The following ITSN1 variants were observed in gnomAD, a reference collection of about 807,000 sequenced individuals.
ITSN1 encodes intersectin 1, also known as intersectin-1.
ITSN1 carries 58 observed loss-of-function variants against 239.8 expected under a neutral mutation model. The ratio of observed to expected loss-of-function variants is 0.24; its 90% confidence interval spans 0.20 to 0.30. The LOEUF (loss-of-function observed/expected upper bound fraction) is 0.30. Ranked by LOEUF, ITSN1 falls within the 10% of genes least tolerant of loss-of-function variation. The pLI, the probability that ITSN1 is intolerant of heterozygous loss-of-function variation, is 1.00. For synonymous variants in ITSN1, 780 were observed against 770.8 expected (o/e 1.01, Z -0.20); for missense variants, 1,558 against 2,103.3 (o/e 0.74, Z 5.07).
At chr21:33,662,293 CT>C (rs1306772077) in intron 1 of ITSN1, among the ~76,000 whole-genome samples, 3 of 152,184 alleles carry the variant, frequency 2.0e-5, no homozygotes, top group Non-Finnish European at 4.4e-5. Flanking sequence ...CAGCACTGAA[CT>C]TTTGGCTCTA....
chr21:33,774,490 C>T, intron 12 of ITSN1: 1 of 336,148 alleles, frequency 3.0e-6, no homozygotes. Flanking sequence ...GGAAATAATC[C>T]TGTCATCTTA....
chr21:33,730,941 CTG>C (rs1407830787), intron 4 of ITSN1, among the ~76,000 whole-genome samples: 7 of 152,022 alleles, frequency 4.6e-5, no homozygotes, highest in African/African-American at 1.4e-4. Flanking sequence ...GGTGATCCAC[CTG>C]CCTCGGCCTC....
chr21:33,694,166 C>T (rs1422784632), intron 1 of ITSN1, among the ~76,000 whole-genome samples: 1 of 152,096 alleles, frequency 6.6e-6, no homozygotes, highest in Non-Finnish European at 1.5e-5. Flanking sequence ...GGCATGTGCT[C>T]CCATACCTAG....
chr21:33,811,691 T>C (rs1271257991), intron 21 of ITSN1, among the ~76,000 whole-genome samples: 1 of 152,222 alleles, frequency 6.6e-6, no homozygotes, highest in East Asian at 1.9e-4. Context: ...ATTAATCTTA[T>C]ACAAATGTAC....
chr21:33,756,287 C>CA (rs923721086), intron 8 of ITSN1, among the ~76,000 whole-genome samples: 3,956 of 55,616 alleles, frequency 0.071, 134 homozygotes, highest in Non-Finnish European at 0.1. Context: ...GACTCCGTCT[C>CA]AAAAAAAAAA....
At chr21:33,809,560 T>C (rs2072739895) in intron 20 of ITSN1, among the ~76,000 whole-genome samples, 1 of 152,368 alleles carries the variant, frequency 6.6e-6, no homozygotes, top group East Asian at 1.9e-4. Flanking sequence ...CATTTTTTGC[T>C]TTATTTTTAA....
At chr21:33,680,732 C>A (rs1250186139) in intron 1 of ITSN1, among the ~76,000 whole-genome samples, 2 of 152,114 alleles carry the variant, frequency 1.3e-5, no homozygotes, top group Admixed American at 1.3e-4. Flanking sequence ...GAAAACACAG[C>A]AAAGCAATCA....
intron 21 of ITSN1, among the ~76,000 whole-genome samples, chr21:33,812,040 C>T (rs958856740): frequency 1.5e-4 from 23 of 151,830 alleles, no homozygotes; most frequent in African/African-American, 5.3e-4. Context: ...TTACTCAGGG[C>T]GGGAGGAAGT....
intron 11 of ITSN1, among the ~76,000 whole-genome samples, chr21:33,770,644 A>G (rs935522462): frequency 6.6e-6 from 1 of 152,140 alleles, no homozygotes; most frequent in South Asian, 2.1e-4. Flanking sequence ...TTTCATATAA[A>G]TGGAATCATA....
At chr21:33,884,947 C>T (rs1985536538) in intron 36 of ITSN1, 94 bp from the exon 37 acceptor site, 1 of 858,948 alleles carries the variant, frequency 1.2e-6, no homozygotes, top group African/African-American at 1.7e-5. Context: ...ATCAAATGAA[C>T]AAAGAAACAG....
At chr21:33,810,363 C>G (rs1245593631) in intron 20 of ITSN1, among the ~76,000 whole-genome samples, 1 of 152,162 alleles carries the variant, frequency 6.6e-6, no homozygotes, top group African/African-American at 2.4e-5. Context: ...GACCTTAATA[C>G]AATTGATTAT....
At chr21:33,736,148 C>T (rs976362068) in intron 5 of ITSN1, among the ~76,000 whole-genome samples, 1 of 152,200 alleles carries the variant, frequency 6.6e-6, no homozygotes, top group African/African-American at 2.4e-5. Flanking sequence ...TAAAATCTAA[C>T]ATCTGATTCA....
intron 1 of ITSN1, among the ~76,000 whole-genome samples, chr21:33,689,701 C>T (rs1438919162): frequency 2.0e-5 from 3 of 152,164 alleles, no homozygotes; most frequent in Non-Finnish European, 4.4e-5. Flanking sequence ...GGCATGGTGG[C>T]TCATGCCTGT....
In ITSN1 at chr21:33,834,260, A is replaced by G. The variant is rs377370747; in HGVS notation, c.3352-47A>G. 6.2e-5 allele frequency: 87 copies of G among 1,393,204 alleles called. No individual in the cohort carries two copies. In the African/African-American group the frequency reaches 1.1e-3, roughly 18 times the overall value. 86.3% of individuals were successfully genotyped at this position (1,393,204 alleles called of 1,614,324 possible). A position where few individuals can be genotyped will look rare whatever the true frequency, so the allele number is the denominator to read the frequency against. ...TCTGTTATAAAGTGAGCTGTATTAT[A>G]AAAGATGCGCCTTTAAAAATGTTTG... is the stretch of plus-strand genomic sequence containing the variant. On this transcript the variant is annotated intron_variant, in intron 27 of 39. Transcript: ENST00000381318.
At chr21:33,687,657 G>A (rs1333381000) in intron 1 of ITSN1, among the ~76,000 whole-genome samples, 1 of 152,134 alleles carries the variant, frequency 6.6e-6, no homozygotes, top group Admixed American at 6.6e-5. Context: ...CAAATGAAAT[G>A]ACATTTTCAG....
In ITSN1 at chr21:33,799,874, C is replaced by T. The variant is rs2071846905; in HGVS notation, c.2249C>T (p.Pro750Leu). Residue 750 changes from proline (P) to leucine (L), a missense_variant, in exon 19 of 40, where the codon CCC becomes CTC. Coordinates refer to ENST00000381318, the MANE Select transcript of ITSN1 (RefSeq NM_003024.3). ...GTGGTGTATTACCGGGCACTGTACC[C>T]CTTTGAATCCAGAAGCCATGATGAA... Reference protein sequence around the residue: ...VKVVYYRALYPFESRSHDEIT... With the variant: ...VKVVYYRALYLFESRSHDEIT... The T allele has an allele frequency of 6.2e-7, 1 of 1,613,764 alleles. No homozygotes were observed.
At chr21:33,826,509 G>A (rs1346464507) in intron 25 of ITSN1, among the ~76,000 whole-genome samples, 5 of 152,166 alleles carry the variant, frequency 3.3e-5, no homozygotes, top group African/African-American at 7.2e-5. Flanking sequence ...AGTCTTCCTA[G>A]CCTGGAACCT....
At chr21:33,695,845 A>G (rs759630002) in intron 1 of ITSN1, among the ~76,000 whole-genome samples, 1 of 152,242 alleles carries the variant, frequency 6.6e-6, no homozygotes, top group Admixed American at 6.5e-5. Context: ...AAAGATGACC[A>G]GCAGCAGGAT....
intron 5 of ITSN1, among the ~76,000 whole-genome samples, chr21:33,737,567 TTTTA>T (rs960976502): frequency 2.0e-5 from 3 of 152,170 alleles, no homozygotes; most frequent in African/African-American, 7.2e-5. Context: ...ATTGTCATTG[TTTTA>T]TTTATTTATT....
Sources: allele counts gnomAD v4.1 joint callset (sites outside exome capture counted in the v4.1 genomes callset), GRCh38; gene constraint gnomAD v4.1.1; transcripts MANE v1.5; gene names NCBI Gene and HGNC (gene_info 2026-07-23, HGNC 2026-07-21).